MRM1: variants seen among roughly 807,000 people sequenced by gnomAD.
MRM1 encodes the protein mitochondrial rRNA methyltransferase 1.
MRM1 carries 24 observed loss-of-function variants against 25.0 expected under a neutral mutation model. The ratio of observed to expected loss-of-function variants is 0.96; its 90% confidence interval spans 0.69 to 1.35. MRM1 has a LOEUF of 1.35. Among genes scored for constraint, MRM1 ranks in the 40% most tolerant of loss-of-function variants. The pLI, the probability that MRM1 is intolerant of heterozygous loss-of-function variation, is 0.00. For missense variants in MRM1, 431 were observed against 464.1 expected (o/e 0.93, Z 0.65); for synonymous variants, 188 against 199.2 (o/e 0.94, Z 0.47).
In MRM1 at chr17:36,607,960, C is replaced by T; in HGVS notation, c.831C>T (p.Ile277=). Residue 277 remains isoleucine (I), a synonymous_variant, in exon 4 of 5, where the codon ATC becomes ATT. Transcript: ENST00000614766. ...CCTCCTGCCAGCTTCTCCTCACCATCCTGCCCCGGCGCCAGCTGCCTCCTG... is the reference window on the plus strand; with the variant it reads ...CCTCCTGCCAGCTTCTCCTCACCATTCTGCCCCGGCGCCAGCTGCCTCCTG... ...VQASCQLLLT[I]LPRRQLPPGL... is the part of the protein sequence containing the mutation. The T allele has an allele frequency of 6.2e-7, 1 of 1,614,186 alleles. No individual in the cohort carries two copies. The highest frequency in any genetic ancestry group is 8.5e-7 in the Non-Finnish European group (1 of 1,180,042).
downstream of MRM1, among the ~76,000 whole-genome samples, chr17:36,613,751 G>A (rs575875090): frequency 1.3e-5 from 2 of 152,012 alleles, no homozygotes; most frequent in South Asian, 4.1e-4. Flanking sequence ...TGTGTACTGG[G>A]CGCGCTGCCT....
chr17:36,613,278 CACT>C (rs376508646), downstream of MRM1, among the ~76,000 whole-genome samples: 132 of 152,248 alleles, frequency 8.7e-4, no homozygotes, highest in East Asian at 0.02. Context: ...CACACACCAC[CACT>C]ACCACCACCG....
chr17:36,621,250 G>T, the MRM1 span, among the ~76,000 whole-genome samples: 1 of 152,214 alleles, frequency 6.6e-6, no homozygotes, highest in East Asian at 1.9e-4. Flanking sequence ...CCCATGGCTT[G>T]GTCCCTGCCA....
the MRM1 span, among the ~76,000 whole-genome samples, chr17:36,617,980 T>C: frequency 6.6e-6 from 1 of 152,076 alleles, no homozygotes. Context: ...TGGTTATCGA[T>C]TGGGGTGGGT....
chr17:36,615,586 T>A, the MRM1 span, among the ~76,000 whole-genome samples: 1 of 149,212 alleles, frequency 6.7e-6, no homozygotes, highest in Non-Finnish European at 1.5e-5. Context: ...TGGAACCCAG[T>A]AGGCGGAGGT....
At chr17:36,619,576 G>A in the MRM1 span, among the ~76,000 whole-genome samples, 1 of 151,944 alleles carries the variant, frequency 6.6e-6, no homozygotes, top group South Asian at 2.1e-4. Context: ...GCTGAGGCAG[G>A]AGAATTGCTT....
Position 36,602,703 on chromosome 17 carries a change from G to C in MRM1, c.636+57G>C, listed in dbSNP as rs899922423. 1.6e-5 allele frequency: 25 copies of C among 1,591,046 alleles called. No individual in the cohort carries two copies. Among genetic ancestry groups the C allele is most frequent in the Admixed American group, 6.7e-5 (4 of 59,898 alleles). ...GTGAGCCCAGCTCAGCCTCTTCAAGGGGACGAAGCTAGCCCCTGGCGAGGG... is the reference window on the plus strand; with the variant it reads ...GTGAGCCCAGCTCAGCCTCTTCAAGCGGACGAAGCTAGCCCCTGGCGAGGG... On this transcript the variant is annotated intron_variant, in intron 2 of 4. Coordinates refer to ENST00000614766, the MANE Select transcript of MRM1 (RefSeq NM_024864.5). This position sits in a 1 kb window ranked among gnomAD's most constrained non-coding sequence, Gnocchi z 4.1.
downstream of MRM1, among the ~76,000 whole-genome samples, chr17:36,613,334 A>C (rs2074988193): frequency 6.6e-6 from 1 of 152,108 alleles, no homozygotes; most frequent in Non-Finnish European, 1.5e-5. Flanking sequence ...CAGTTTGTAA[A>C]TGTAATCAAC....
At position 36,607,687 on chromosome 17, in the gene MRM1, C is replaced by T. The variant is rs2074942340; in HGVS notation, c.654C>T (p.Gly218=). 1 of 1,614,018 alleles carries T rather than the reference C, an allele frequency of 6.2e-7. No homozygotes were observed. The highest frequency in any genetic ancestry group is 1.1e-5 in the South Asian group (1 of 91,070). ...CCTTTCAGACCAAAGCCCAGCAGGG[C>T]TGGCTCGTGGCCGGCACGGTGGGCT... ...TGFLQTKAQQ[G]WLVAGTVGCP... Residue 218 remains glycine, a synonymous_variant, in exon 3 of 5, where the codon GGC becomes GGT. Coordinates refer to ENST00000614766, the MANE Select transcript of MRM1 (RefSeq NM_024864.5).
At chr17:36,609,792 A>G (rs554964961), downstream of MRM1, among the ~76,000 whole-genome samples, 21 of 152,380 alleles carry the variant, frequency 1.4e-4, no homozygotes, top group African/African-American at 4.6e-4. Flanking sequence ...GGAGGGCAAT[A>G]GGAACTCACA....
intron 2 of MRM1, among the ~76,000 whole-genome samples, chr17:36,605,690 A>G (rs1307658152): frequency 6.6e-6 from 1 of 151,714 alleles, no homozygotes; most frequent in South Asian, 2.1e-4. Flanking sequence ...TAACATTTCT[A>G]AAACTGAGCG....
chr17:36,603,232 T>C, intron 2 of MRM1: 1 of 983,740 alleles, frequency 1.0e-6, no homozygotes, highest in Non-Finnish European at 1.2e-6. Context: ...GGGAGAGCTC[T>C]GGGACCTGTC....
At chr17:36,627,684 T>C in the MRM1 span, among the ~76,000 whole-genome samples, 5 of 146,544 alleles carry the variant, frequency 3.4e-5, no homozygotes, top group African/African-American at 5.1e-5. Flanking sequence ...GTTTTTTTTT[T>C]TTTTTTTTTT....
the MRM1 span, among the ~76,000 whole-genome samples, chr17:36,633,195 C>A: frequency 2.0e-5 from 3 of 152,180 alleles, no homozygotes; most frequent in Non-Finnish European, 4.4e-5. Context: ...GAGCCCCTCC[C>A]GTCTCCCCTT....
chr17:36,610,362 A>G (rs1246459227), downstream of MRM1, among the ~76,000 whole-genome samples: 1 of 151,672 alleles, frequency 6.6e-6, no homozygotes, highest in African/African-American at 2.4e-5. Flanking sequence ...CCTCCTGAGT[A>G]GCTGGGACTA....
Position 36,602,271 on chromosome 17 carries a change from A to C in MRM1, c.461A>C (p.Gln154Pro), listed in dbSNP as rs748347544. The change falls in exon 1 of 5, where the codon CAG becomes CCG. Residue 154 changes from glutamine (Q) to proline (P), a missense_variant. By Grantham distance (76) the Gln-to-Pro change is moderately conservative. Transcript: ENST00000614766. This position sits in a 1 kb window ranked among gnomAD's most constrained non-coding sequence, Gnocchi z 4.1. ...QQLWLVLDGI[Q>P]DPRNFGAVLR... ...TTGTGGCTCGTCCTCGATGGGATCCAGGATCCCCGGAATTTTGGGGCTGTG... is the reference window on the plus strand; with the variant it reads ...TTGTGGCTCGTCCTCGATGGGATCCCGGATCCCCGGAATTTTGGGGCTGTG... The C allele has an allele frequency of 1.1e-5, 18 of 1,603,720 alleles. No homozygotes were observed. The highest frequency in any genetic ancestry group is 8.5e-7 in the Non-Finnish European group (1 of 1,173,160).
chr17:36,607,691 C>G lies in MRM1; in HGVS notation c.658C>G (p.Leu220Val). 1.2e-6 allele frequency: 2 copies of G among 1,614,078 alleles called. No homozygotes were observed. The highest frequency in any genetic ancestry group is 2.7e-5 in the African/African-American group (2 of 75,058). Residue 220 changes from leucine to valine, a missense_variant, in exon 3 of 5, where the codon CTC (leucine) becomes GTC (valine). Physicochemically the swap from Leu to Val is conservative, Grantham distance 32. Coordinates refer to ENST00000614766, the MANE Select transcript of MRM1 (RefSeq NM_024864.5). ...FLQTKAQQGWLVAGTVGCPST... is the reference protein window; with the variant it reads ...FLQTKAQQGWVVAGTVGCPST... ...TCAGACCAAAGCCCAGCAGGGCTGG[C>G]TCGTGGCCGGCACGGTGGGCTGCCC...
At chr17:36,625,722 A>G in the MRM1 span, among the ~76,000 whole-genome samples, 1 of 151,934 alleles carries the variant, frequency 6.6e-6, no homozygotes, top group Admixed American at 6.6e-5. Context: ...TTGGCCTCCC[A>G]AAGTGCTGGG....
At chr17:36,607,853 G>T in intron 3 of MRM1, 46 bp from the exon 4 acceptor site, 1 of 1,611,406 alleles carries the variant, frequency 6.2e-7, no homozygotes. Flanking sequence ...CCGAGCAACT[G>T]GGTGTCCAGC....
Sources: allele counts gnomAD v4.1 joint callset (sites outside exome capture counted in the v4.1 genomes callset), GRCh38; gene constraint gnomAD v4.1.1; non-coding constraint Gnocchi (gnomAD v3.1); transcripts MANE v1.5; gene names NCBI Gene and HGNC (gene_info 2026-07-23, HGNC 2026-07-21).